Variants in TTC6 observed in about 807,000 individuals in gnomAD.
The protein encoded by TTC6 is tetratricopeptide repeat domain 6, also known as tetratricopeptide repeat protein 6.
In TTC6, 172 loss-of-function variants were observed where a neutral mutation model predicts 210.4. That is an observed-to-expected ratio of 0.82 (90% CI 0.72 to 0.93). TTC6 has a LOEUF of 0.93. Ranked by LOEUF, TTC6 falls within the 40% of genes least tolerant of loss-of-function variation. The probability of loss-of-function intolerance (pLI) is 0.00; values close to 1 mark genes in which losing one functional copy is unlikely to be tolerated. For synonymous variants in TTC6, 804 were observed against 819.6 expected, an observed-to-expected ratio of 0.98 and a Z score of 0.32; for missense variants, 2,414 against 2,318.1, an observed-to-expected ratio of 1.04 and a Z score of -0.85.
chr14:37,737,841 C>T (rs541605139), intron 9 of TTC6, 107 bp downstream of exon 11: 14 of 569,292 alleles, frequency 2.5e-5, no homozygotes, highest in African/African-American at 7.7e-5. Context: ...ATTATATTCT[C>T]TAGTCTAATT....
chr14:37,651,419 ATATATATTTTTTTTTTTTTTTTTT>A lies in TTC6; in HGVS notation c.939+28418_939+28441del, dbSNP rs1205759019. On this transcript the variant is annotated intron_variant, in intron 1 of 30. Transcript: ENST00000553443. The stretch of plus-strand genomic sequence containing the variant: ...TATATATATATATATATATATATAT[ATATATATTTTTTTTTTTTTTTTTT>A]TTTTTTTTTTCCATCCATGATTCAT... 1.9e-4 allele frequency among the ~76,000 whole-genome samples: 4 copies of A among 20,716 alleles called. 1 individual carries two copies. Among genetic ancestry groups the A allele is most frequent in the African/African-American group, 1.0e-3 (4 of 3,958 alleles). 13.6% of individuals were successfully genotyped at this position (20,716 alleles called of 152,430 possible).
chr14:37,751,360 G>A (rs1323263461), intron 13 of TTC6, 135 bp downstream of exon 15: 1 of 520,520 alleles, frequency 1.9e-6, no homozygotes, highest in African/African-American at 2.0e-5. Context: ...CAGGTTAGGA[G>A]CTAGAGTTTT....
At chr14:37,836,155 T>C (rs1360393428) in intron 29 of TTC6, among the ~76,000 whole-genome samples, 1 of 152,222 alleles carries the variant, frequency 6.6e-6, no homozygotes, top group African/African-American at 2.4e-5. Context: ...ATTCGAGTTG[T>C]CATCTTCCAT....
At chr14:37,636,623 A>G (rs888299138) in intron 1 of TTC6, among the ~76,000 whole-genome samples, 1 of 152,208 alleles carries the variant, frequency 6.6e-6, no homozygotes, top group Non-Finnish European at 1.5e-5. Context: ...TGATGAGGGG[A>G]AAATTAATAG....
At chr14:37,597,976 G>A (rs2095607708) in intron 1 of TTC6, among the ~76,000 whole-genome samples, 2 of 152,206 alleles carry the variant, frequency 1.3e-5, no homozygotes, top group South Asian at 4.1e-4. Flanking sequence ...ATGCCAGCCA[G>A]TCACTTTCCC....
chr14:37,820,174 G>A (rs1389930750), intron 26 of TTC6, among the ~76,000 whole-genome samples: 5 of 152,172 alleles, frequency 3.3e-5, no homozygotes, highest in Admixed American at 6.5e-5. Flanking sequence ...TTCTACAGTG[G>A]CATCTGCTCA....
At chr14:37,756,274 T>A (rs1190903035) in intron 14 of TTC6, among the ~76,000 whole-genome samples, 1 of 152,214 alleles carries the variant, frequency 6.6e-6, no homozygotes, top group African/African-American at 2.4e-5. Context: ...TTTCTAAATA[T>A]ACAATCATGT....
chr14:37,675,999 C>T (rs1363460028), intron 1 of TTC6, among the ~76,000 whole-genome samples: 1 of 152,062 alleles, frequency 6.6e-6, no homozygotes, highest in East Asian at 1.9e-4. Context: ...TTATGATTCA[C>T]AGCAGAGAGT....
chr14:37,742,578 T>A (rs2095923833), intron 10 of TTC6, among the ~76,000 whole-genome samples: 1 of 108,822 alleles, frequency 9.2e-6, no homozygotes, highest in Non-Finnish European at 2.0e-5. Context: ...TGTGGCTAAT[T>A]TTTGCATTTT....
chr14:37,765,414 C>G (rs898004974), intron 14 of TTC6, among the ~76,000 whole-genome samples: 3 of 150,818 alleles, frequency 2.0e-5, no homozygotes, highest in African/African-American at 7.3e-5. Flanking sequence ...CGCTTCGCCT[C>G]AAGCAATCCC....
chr14:37,804,672 C>A lies in TTC6; in HGVS notation c.4030-8C>A. ...TCTTGCCCCCTCCCTGCTTTTTTAT[C>A]ATTATAGGAAGCTGTGGAAGTGCTT... On this transcript the variant is annotated splice_region_variant and splice_polypyrimidine_tract_variant and intron_variant, in intron 20 of 30. Transcript: ENST00000553443. 1.2e-6 allele frequency: 2 copies of A among 1,604,404 alleles called. No individual in the cohort carries two copies. The highest frequency in any genetic ancestry group is 2.2e-5 in the South Asian group (2 of 89,262).
chr14:37,632,512 G>A (rs1265623226), intron 1 of TTC6, among the ~76,000 whole-genome samples: 5 of 152,196 alleles, frequency 3.3e-5, no homozygotes, highest in Non-Finnish European at 7.3e-5. Context: ...AGGTGCACCT[G>A]CCAAATGCCA....
At chr14:37,608,286 TTGTG>T (rs142169592) in intron 2 of TTC6, among the ~76,000 whole-genome samples, 12 of 151,204 alleles carry the variant, frequency 7.9e-5, no homozygotes, top group Admixed American at 2.0e-4. Context: ...CAAGTTTTTT[TTGTG>T]TGTGTGTGTG....
intron 14 of TTC6, among the ~76,000 whole-genome samples, chr14:37,770,943 G>A (rs199915550): frequency 0.15 from 20,246 of 134,442 alleles, 1,580 homozygotes; most frequent in East Asian, 0.32. Context: ...GGCTGGTACC[G>A]GTTGTTCCTT....
intron 2 of TTC6, among the ~76,000 whole-genome samples, chr14:37,611,078 T>G (rs1225177330): frequency 6.6e-6 from 1 of 152,156 alleles, no homozygotes; most frequent in Non-Finnish European, 1.5e-5. Flanking sequence ...GAGGCCTGGG[T>G]TTGGGGTCCA....
intron 10 of TTC6, among the ~76,000 whole-genome samples, chr14:37,739,877 T>C (rs2095913561): frequency 6.6e-6 from 1 of 151,862 alleles, no homozygotes; most frequent in Non-Finnish European, 1.5e-5. Flanking sequence ...ATCTAGATAA[T>C]TTTGGGCCCG....
At chr14:37,738,752 C>T (rs1239587935) in intron 9 of TTC6, 24 bp from the exon 12 acceptor site, 1 of 1,418,782 alleles carries the variant, frequency 7.0e-7, no homozygotes, top group Non-Finnish European at 9.2e-7. Context: ...TACGTTTTTT[C>T]TACCTCTTTG....
chr14:37,831,608 A>C (rs1384002205), intron 29 of TTC6, among the ~76,000 whole-genome samples: 1 of 62,568 alleles, frequency 1.6e-5, no homozygotes, highest in East Asian at 5.8e-4. Flanking sequence ...CTTTGTTTGC[A>C]ATAGCCATTT....
chr14:37,765,865 T>G (rs1008662509), intron 14 of TTC6, among the ~76,000 whole-genome samples: 1 of 152,198 alleles, frequency 6.6e-6, no homozygotes, highest in Non-Finnish European at 1.5e-5. Flanking sequence ...TGTTATCTAC[T>G]GCCTTCTGAT....
Sources: gnomAD v4.1 joint callset for allele counts (sites outside exome capture counted in the v4.1 genomes callset) on GRCh38, gnomAD v4.1.1 for gene constraint, MANE v1.5 for transcripts, NCBI Gene and HGNC (gene_info 2026-07-23, HGNC 2026-07-21) for gene names.